ASAP1: variants seen among roughly 807,000 people sequenced by gnomAD.
ASAP1 encodes arf-GAP with SH3 domain, ANK repeat and PH domain-containing protein 1.
A neutral mutation model predicts 145.2 loss-of-function variants in ASAP1; 43 were observed. The ratio of observed to expected loss-of-function variants is 0.30; its 90% confidence interval spans 0.23 to 0.38. The LOEUF (loss-of-function observed/expected upper bound fraction) is 0.38. Among genes scored for constraint, ASAP1 ranks in the 10% least tolerant of loss-of-function variants. ASAP1 has a pLI of 1.00. For synonymous variants in ASAP1, 546 were observed against 515.5 expected, an observed-to-expected ratio of 1.06 and a Z score of -0.80; for missense variants, 1,018 against 1,355.3, an observed-to-expected ratio of 0.75 and a Z score of 3.91.
chr8:130,381,792 C>T (rs547273275), intron 2 of ASAP1, among the ~76,000 whole-genome samples: 1 of 152,144 alleles, frequency 6.6e-6, no homozygotes, highest in South Asian at 2.1e-4. Flanking sequence ...CTGGAACACA[C>T]CCCCCTGAGG....
intron 14 of ASAP1, among the ~76,000 whole-genome samples, chr8:130,135,607 T>C (rs779378485): frequency 2.6e-5 from 4 of 152,230 alleles, no homozygotes; most frequent in Non-Finnish European, 4.4e-5. Flanking sequence ...TGACCTTCTG[T>C]AGGTCACTGA....
intron 1 of ASAP1, among the ~76,000 whole-genome samples, chr8:130,403,248 T>A (rs958909226): frequency 6.6e-6 from 1 of 151,862 alleles, no homozygotes; most frequent in African/African-American, 2.4e-5. Flanking sequence ...GTGTTCAAAT[T>A]CCTAATAGTC....
chr8:130,109,967 T>G (rs552659716), intron 24 of ASAP1, among the ~76,000 whole-genome samples: 6 of 152,270 alleles, frequency 3.9e-5, no homozygotes, highest in South Asian at 4.2e-4. Context: ...GGGCTTTTTT[T>G]GGGGGAAGTG....
intron 13 of ASAP1, among the ~76,000 whole-genome samples, chr8:130,149,122 G>A (rs2097640286): frequency 6.7e-6 from 1 of 149,538 alleles, no homozygotes. Context: ...TGAGGCATGA[G>A]CGGATTACAG....
intron 3 of ASAP1, among the ~76,000 whole-genome samples, chr8:130,344,738 TAAAAA>T (rs1565228659): frequency 6.6e-6 from 1 of 151,586 alleles, no homozygotes; most frequent in African/African-American, 2.4e-5. Flanking sequence ...TTGCGTCTCT[TAAAAA>T]AACAAACAAA....
At chr8:130,255,475 G>A (rs935036584) in intron 3 of ASAP1, among the ~76,000 whole-genome samples, 1 of 151,894 alleles carries the variant, frequency 6.6e-6, no homozygotes, top group African/African-American at 2.4e-5. Flanking sequence ...TTTCCTGCAT[G>A]TGCATGGCTA....
chr8:130,291,253 C>A (rs1478646855), intron 3 of ASAP1, among the ~76,000 whole-genome samples: 2 of 152,154 alleles, frequency 1.3e-5, no homozygotes, highest in Non-Finnish European at 2.9e-5. Context: ...AGGTTTGACA[C>A]CCAAAGAAAA....
chr8:130,346,230 A>T (rs184585380), intron 3 of ASAP1, among the ~76,000 whole-genome samples: 77 of 152,356 alleles, frequency 5.1e-4, no homozygotes, highest in African/African-American at 1.5e-3. Context: ...AAAAGTGAAG[A>T]CATACGTGAA....
chr8:130,120,957 TC>T (rs1318154319), intron 18 of ASAP1, among the ~76,000 whole-genome samples: 1 of 152,206 alleles, frequency 6.6e-6, no homozygotes, highest in Non-Finnish European at 1.5e-5. Flanking sequence ...TTCTCCTCTG[TC>T]CCCTTAAACC....
intron 18 of ASAP1, 178 bp from the exon 19 acceptor site, chr8:130,118,853 T>TATAATAAAATAC (rs2097560752): frequency 2.5e-6 from 1 of 400,198 alleles, no homozygotes. Context: ...AAGAAAATAA[T>TATAATAAAATAC]ATATGTTTAC....
chr8:130,322,681 T>C (rs529488690), intron 3 of ASAP1, among the ~76,000 whole-genome samples: 27 of 152,330 alleles, frequency 1.8e-4, no homozygotes, highest in Non-Finnish European at 2.6e-4. Flanking sequence ...ATTTAGTGCT[T>C]ATTATGGCAA....
chr8:130,307,382 G>C (rs905402150), intron 3 of ASAP1, among the ~76,000 whole-genome samples: 2 of 152,158 alleles, frequency 1.3e-5, no homozygotes, highest in South Asian at 4.1e-4. Flanking sequence ...CTCAAAATGG[G>C]AACTGTTAAT....
At chr8:130,131,327 CAAT>C (rs1041439282) in intron 15 of ASAP1, among the ~76,000 whole-genome samples, 3 of 152,092 alleles carry the variant, frequency 2.0e-5, no homozygotes, top group Non-Finnish European at 4.4e-5. Flanking sequence ...AAAATAAACT[CAAT>C]GATGCAGTGA....
chr8:130,350,134 G>C (rs1358923248), intron 3 of ASAP1, among the ~76,000 whole-genome samples: 2 of 152,198 alleles, frequency 1.3e-5, no homozygotes, highest in Non-Finnish European at 1.5e-5. Flanking sequence ...TGTGTCTTCT[G>C]AGACCAGGAC....
intron 3 of ASAP1, among the ~76,000 whole-genome samples, chr8:130,350,112 G>A (rs943912199): frequency 2.6e-5 from 4 of 152,184 alleles, no homozygotes; most frequent in Non-Finnish European, 5.9e-5. Context: ...AAGCTACTGC[G>A]GCCTCGCACA....
At chr8:130,246,129 G>A (rs765681840) in intron 3 of ASAP1, among the ~76,000 whole-genome samples, 48 of 151,846 alleles carry the variant, frequency 3.2e-4, no homozygotes, top group Non-Finnish European at 4.9e-4. Flanking sequence ...CATGTAACAC[G>A]GGCAAAAGGA....
chr8:130,430,863 G>A (rs1454177212), intron 1 of ASAP1, among the ~76,000 whole-genome samples: 1 of 152,164 alleles, frequency 6.6e-6, no homozygotes, highest in East Asian at 1.9e-4. Flanking sequence ...AGGACTTCGG[G>A]AAAAACATGT....
intron 25 of ASAP1, among the ~76,000 whole-genome samples, chr8:130,088,132 G>A (rs980292880): frequency 6.6e-6 from 1 of 152,220 alleles, no homozygotes; most frequent in Non-Finnish European, 1.5e-5. Flanking sequence ...CTTGAGACAA[G>A]GAGATTATTT....
intron 9 of ASAP1, among the ~76,000 whole-genome samples, chr8:130,173,628 C>T (rs1038625674): frequency 6.6e-6 from 1 of 151,590 alleles, no homozygotes; most frequent in Admixed American, 6.6e-5. Context: ...ATTAGCCGGG[C>T]GTGGTGGTAC....
Sources: allele counts gnomAD v4.1 joint callset (sites outside exome capture counted in the v4.1 genomes callset), GRCh38; gene constraint gnomAD v4.1.1; transcripts MANE v1.5; gene names NCBI Gene and HGNC (gene_info 2026-07-23, HGNC 2026-07-21).